The following GSDME variants were observed in gnomAD, a reference collection of about 807,000 sequenced individuals.
GSDME encodes the protein gasdermin E.
A neutral mutation model predicts 47.5 loss-of-function variants in GSDME; 44 were observed. The ratio of observed to expected loss-of-function variants is 0.93; its 90% confidence interval spans 0.73 to 1.19. The LOEUF is 1.19. Among genes scored for constraint, GSDME ranks in the 50% most tolerant of loss-of-function variants. GSDME has a pLI of 0.00. For missense variants in GSDME, 663 were observed against 604.2 expected, an observed-to-expected ratio of 1.10 and a Z score of -1.02; for synonymous variants, 258 against 252.8, an observed-to-expected ratio of 1.02 and a Z score of -0.20.
rs1284124286 is a variant in GSDME, at chr7:24,745,849, T to A, written c.212-1095A>T. 6.6e-6 allele frequency among the ~76,000 whole-genome samples: 1 copy of A among 152,086 alleles called. No homozygotes were observed. The highest frequency in any genetic ancestry group is 2.4e-5 in the African/African-American group (1 of 41,396). ...GCAACACCTTATCTCTAAGAAAATATAAAAATAATAACAAATAAAAATAAT... is the reference window on the plus strand; with the variant it reads ...GCAACACCTTATCTCTAAGAAAATAAAAAAATAATAACAAATAAAAATAAT... On this transcript the variant is annotated intron_variant, in intron 2 of 9. Coordinates refer to ENST00000645220, the MANE Select transcript of GSDME (RefSeq NM_001127453.2). This position sits in a 1 kb window ranked among gnomAD's most constrained non-coding sequence, Gnocchi z 4.4.
At position 24,742,580 on chromosome 7, in the gene GSDME, G is replaced by A. The variant is rs1790526248; in HGVS notation, c.404+1982C>T. Among the ~76,000 whole-genome samples, 1 of 152,134 alleles carries A rather than the reference G, an allele frequency of 6.6e-6. No individual in the cohort carries two copies. The highest frequency in any genetic ancestry group is 2.4e-5 in the African/African-American group (1 of 41,442). ...CTCCTCATATGCTTCCTTTTAGCAA[G>A]AGCTTTTACACCTGAATCATGGTGT... On this transcript the variant is annotated intron_variant, in intron 3 of 9. Transcript: ENST00000645220. This position sits in a 1 kb window ranked among gnomAD's most constrained non-coding sequence, Gnocchi z 4.4.
chr7:24,726,286 T>C lies in GSDME; in HGVS notation c.405-7068A>G, dbSNP rs1307135221. 6.6e-6 allele frequency among the ~76,000 whole-genome samples: 1 copy of C among 152,068 alleles called. No individual in the cohort carries two copies. Among genetic ancestry groups the C allele is most frequent in the Non-Finnish European group, 1.5e-5 (1 of 68,004 alleles). ...GAGACAACTTTTAAAAGTCTGACAA[T>C]ATCCAAAAGGAGGGAAGCAGGTTTC... On this transcript the variant is annotated intron_variant, in intron 3 of 9. Coordinates refer to ENST00000645220, the MANE Select transcript of GSDME (RefSeq NM_001127453.2). This position sits in a 1 kb window ranked among gnomAD's most constrained non-coding sequence, Gnocchi z 5.6.
At chr7:24,778,205 C>G in the GSDME span, among the ~76,000 whole-genome samples, 2 of 151,580 alleles carry the variant, frequency 1.3e-5, no homozygotes, top group South Asian at 4.2e-4. This position sits in a 1 kb window ranked among gnomAD's most constrained non-coding sequence, Gnocchi z 5.6. Context: ...GAGATCCAAG[C>G]AGAAGGACCA....
At chr7:24,723,409 TCAGAA>T (rs1247670051) in intron 3 of GSDME, among the ~76,000 whole-genome samples, 2 of 152,102 alleles carry the variant, frequency 1.3e-5, no homozygotes, top group Non-Finnish European at 2.9e-5. Flanking sequence ...CTGGCCCTCC[TCAGAA>T]CAGAAATCAC....
In GSDME at chr7:24,746,442, C is replaced by T. The variant is rs374886836; in HGVS notation, c.212-1688G>A. 1.1e-4 allele frequency among the ~76,000 whole-genome samples: 16 copies of T among 151,070 alleles called. 1 individual carries two copies. The highest frequency in any genetic ancestry group is 7.3e-4 in the Admixed American group (11 of 15,006). On this transcript the variant is annotated intron_variant, in intron 2 of 9. Transcript: ENST00000645220. ...GATAGCTACCTGACGGGTTCTGCTG[C>T]GGGTTTATATATGGAAAGCATGTAA... is the stretch of plus-strand genomic sequence containing the variant.
the GSDME span, among the ~76,000 whole-genome samples, chr7:24,777,108 A>T: frequency 6.6e-6 from 1 of 152,330 alleles, no homozygotes; most frequent in South Asian, 2.1e-4. Flanking sequence ...ATGAACAAAA[A>T]TGCCATTAAA....
rs1445596065 is a variant in GSDME at position 24,745,820 on chromosome 7, C to A, written c.212-1066G>T. ...TGCCACTGCACGCCAGCCTGGGTGACAGAGCAACACCTTATCTCTAAGAAA... is the reference window on the plus strand; with the variant it reads ...TGCCACTGCACGCCAGCCTGGGTGAAAGAGCAACACCTTATCTCTAAGAAA... On this transcript the variant is annotated intron_variant, in intron 2 of 9. Transcript: ENST00000645220. This position sits in a 1 kb window ranked among gnomAD's most constrained non-coding sequence, Gnocchi z 4.4. Among the ~76,000 whole-genome samples the A allele has an allele frequency of 6.6e-6, 1 of 152,138 alleles. No individual in the cohort carries two copies. Among genetic ancestry groups the A allele is most frequent in the Non-Finnish European group, 1.5e-5 (1 of 68,028 alleles).
At chr7:24,789,955 T>C in the GSDME span, among the ~76,000 whole-genome samples, 1 of 152,204 alleles carries the variant, frequency 6.6e-6, no homozygotes, top group Admixed American at 6.5e-5. Context: ...CCTATTACTA[T>C]TATAATTCCT....
intron 8 of GSDME, 68 bp from the exon 9 acceptor site, chr7:24,702,901 G>C: frequency 1.5e-6 from 2 of 1,353,330 alleles, no homozygotes; most frequent in South Asian, 1.2e-5. Context: ...CCAGCCCCTG[G>C]ATGGCACCTA....
chr7:24,706,692 C>T (rs1262449281), intron 7 of GSDME, among the ~76,000 whole-genome samples: 9 of 152,310 alleles, frequency 5.9e-5, no homozygotes, highest in South Asian at 2.1e-4. Context: ...CTGGGGAGGG[C>T]GATGTTCAAG....
intron 4 of GSDME, among the ~76,000 whole-genome samples, chr7:24,718,696 G>A (rs1789660749): frequency 6.6e-6 from 1 of 152,170 alleles, no homozygotes; most frequent in African/African-American, 2.4e-5. Flanking sequence ...GGACGGTCTG[G>A]TGAGACCCAG....
At chr7:24,720,002 CA>C (rs1372383159) in intron 3 of GSDME, among the ~76,000 whole-genome samples, 1 of 152,090 alleles carries the variant, frequency 6.6e-6, no homozygotes, top group East Asian at 1.9e-4. Context: ...GTATGAGTAG[CA>C]AGAAGGAAAT....
In GSDME at chr7:24,736,366, G is replaced by T. The variant is rs537328373; in HGVS notation, c.404+8196C>A. Among the ~76,000 whole-genome samples, 22 of 152,210 alleles carry T rather than the reference G, an allele frequency of 1.4e-4. No homozygotes were observed. Among genetic ancestry groups the T allele is most frequent in the African/African-American group, 4.3e-4 (18 of 41,534 alleles). ...AATCACAGGCAAAAAAACAGCAGGA[G>T]TAACTATATTTATGTCAGACAAAAT... On this transcript the variant is annotated intron_variant, in intron 3 of 9. Coordinates refer to ENST00000645220, the MANE Select transcript of GSDME (RefSeq NM_001127453.2). This position sits in a 1 kb window ranked among gnomAD's most constrained non-coding sequence, Gnocchi z 4.6.
chr7:24,708,079 C>A (rs1287437579), intron 7 of GSDME, 48 bp downstream of exon 7: 2 of 1,611,076 alleles, frequency 1.2e-6, no homozygotes, highest in South Asian at 2.2e-5. Flanking sequence ...CTCCCCTGTT[C>A]CAGAAAACCC....
Position 24,710,230 on chromosome 7 carries a change from T to G in GSDME, c.856A>C (p.Lys286Gln), listed in dbSNP as rs992620940. The change falls in exon 6 of 10, where the codon AAG (lysine) becomes CAG (glutamine). Residue 286 changes from lysine to glutamine, a missense_variant. Physicochemically the swap from Lys to Gln is moderately conservative, Grantham distance 53. Transcript: ENST00000645220. ...CCTGCCCTGCTGGCAATACCTTGCT[T>G]TAAAACACTTAATGGTCCATCCTGG... ...SSQDGPLSVLKQATLLLERNF... is the reference protein window; with the variant it reads ...SSQDGPLSVLQQATLLLERNF... 8.7e-6 allele frequency: 14 copies of G among 1,613,704 alleles called. No homozygotes were observed. The highest frequency in any genetic ancestry group is 1.2e-5 in the Non-Finnish European group (14 of 1,180,034).
At chr7:24,751,786 A>C (rs1410375959) in intron 1 of GSDME, among the ~76,000 whole-genome samples, 1 of 152,160 alleles carries the variant, frequency 6.6e-6, no homozygotes. Context: ...TCATTCACTA[A>C]TTTTTCTTGA....
rs148370267 is a variant in GSDME at position 24,749,688 on chromosome 7, A to C, written c.87T>G (p.Asp29Glu). 1.4e-5 allele frequency: 22 copies of C among 1,614,046 alleles called. No individual in the cohort carries two copies. Among genetic ancestry groups the C allele is most frequent in the South Asian group, 2.2e-5 (2 of 91,088 alleles). The change falls in exon 2 of 10, where the codon GAT (aspartate) becomes GAG (glutamate). Residue 29 changes from aspartate (D) to glutamate (E), a missense_variant. Asp to Glu is a conservative substitution (Grantham distance 45). Transcript: ENST00000645220. ...LIAVSNLNDS[D>E]KLQLLSLVTK... ...TCACCAGACTTAGAAGCTGTAACTT[A>C]TCAGAGTCATTCAGATTTGATACTG...
rs1171927918 is a variant in GSDME at position 24,726,149 on chromosome 7, G to A, written c.405-6931C>T. Reference sequence around the variant, plus strand: ...TCTTCCAGCATCCATCAGCTCCCCAGGCCCAGCCCTAATGAAGCCGCCTCC... The same window carrying A: ...TCTTCCAGCATCCATCAGCTCCCCAAGCCCAGCCCTAATGAAGCCGCCTCC... On this transcript the variant is annotated intron_variant, in intron 3 of 9. Transcript: ENST00000645220. The surrounding 1 kb of genome is among the most constrained non-coding windows in gnomAD (Gnocchi z 5.6). Among the ~76,000 whole-genome samples the A allele has an allele frequency of 2.0e-5, 3 of 152,140 alleles. No homozygotes were observed. Among genetic ancestry groups the A allele is most frequent in the African/African-American group, 7.2e-5 (3 of 41,430 alleles).
Position 24,700,525 on chromosome 7 carries a change from A to C in GSDME, c.1258-1266T>G, listed in dbSNP as rs61516106. ...ATCTGAAGGGAATCCAAAAGAAAAA[A>C]TTCCAGAAATTTCCTGAGCAGTGGT... On this transcript the variant is annotated intron_variant, in intron 9 of 9. Coordinates refer to ENST00000645220, the MANE Select transcript of GSDME (RefSeq NM_001127453.2). 6.8e-3 allele frequency among the ~76,000 whole-genome samples: 1,034 copies of C among 152,324 alleles called. 11 individuals are homozygous for C. Among genetic ancestry groups the C allele is most frequent in the African/African-American group, 0.024 (993 of 41,558 alleles).
Sources: gnomAD v4.1 joint callset for allele counts (sites outside exome capture counted in the v4.1 genomes callset) on GRCh38, gnomAD v4.1.1 for gene constraint, Gnocchi (gnomAD v3.1) non-coding constraint, MANE v1.5 for transcripts, NCBI Gene and HGNC (gene_info 2026-07-23, HGNC 2026-07-21) for gene names.